CNBD1: variants seen among roughly 807,000 people sequenced by gnomAD.
CNBD1 encodes cyclic nucleotide binding domain containing 1.
A neutral mutation model predicts 54.4 loss-of-function variants in CNBD1; 71 were observed. The observed-to-expected ratio is 1.30, with a 90% confidence interval of 1.08 to 1.59. The LOEUF (loss-of-function observed/expected upper bound fraction) is 1.59, where lower values mean the gene tolerates loss of function less well. CNBD1 is among the 40% of genes most tolerant of loss of function. The pLI is 0.00. For synonymous variants in CNBD1, 182 were observed against 170.7 expected (o/e 1.07, Z -0.51); for missense variants, 659 against 518.0 (o/e 1.27, Z -2.64).
intron 8 of CNBD1, among the ~76,000 whole-genome samples, chr8:87,304,029 A>T (rs1809082426): frequency 6.6e-6 from 1 of 152,156 alleles, no homozygotes; most frequent in South Asian, 2.1e-4. Context: ...ACACTTTTAC[A>T]CATTGGTGGG....
At chr8:87,425,674 G>A (rs533070637) in intron 2 of CNBD1, among the ~76,000 whole-genome samples, 13 of 152,038 alleles carry the variant, frequency 8.6e-5, no homozygotes, top group East Asian at 5.8e-4. Flanking sequence ...CAGTCTGCCC[G>A]TTCTCAGATC....
At chr8:87,294,734 C>T (rs1808847659) in intron 8 of CNBD1, among the ~76,000 whole-genome samples, 1 of 152,178 alleles carries the variant, frequency 6.6e-6, no homozygotes, top group African/African-American at 2.4e-5. Flanking sequence ...AGCACTTTGA[C>T]TACTGCCATC....
At chr8:87,379,809 G>A (rs1291194631) in intron 10 of CNBD1, among the ~76,000 whole-genome samples, 1 of 151,728 alleles carries the variant, frequency 6.6e-6, no homozygotes, top group Admixed American at 6.6e-5. Flanking sequence ...ATGAAATAAG[G>A]AAGTTGAAGT....
intron 4 of CNBD1, among the ~76,000 whole-genome samples, chr8:87,095,949 C>T (rs768881142): frequency 2.6e-5 from 4 of 152,212 alleles, no homozygotes; most frequent in African/African-American, 7.2e-5. Flanking sequence ...TGAGCCACAA[C>T]GCCCGGCCCT....
Position 87,379,827 on chromosome 8 carries a change from T to C in CNBD1, c.1304-2793T>C, listed in dbSNP as rs548518778. 4.1e-4 allele frequency among the ~76,000 whole-genome samples: 62 copies of C among 152,034 alleles called. 2 individuals carry two copies. The South Asian group carries it at 9.7e-3, about 24-fold the overall frequency. On this transcript the variant is annotated intron_variant, in intron 10 of 10. Coordinates refer to ENST00000518476, the MANE Select transcript of CNBD1 (RefSeq NM_173538.3). ...AAATAAGGAAGTTGAAGTAGAATTA[T>C]AAAAACACAGGTATAATACATTATC...
At position 87,351,778 on chromosome 8, in the gene CNBD1, T is replaced by G. The variant is rs2130928141; in HGVS notation, c.1136T>G (p.Leu379Arg). ...IYRSIIGFVK[L>R]RSNKVKRSQK... ...AGAAGTATTATAGGATTTGTGAAAC[T>G]ACGATCAAATAAAGTGGTAAGTTTT... The change falls in exon 9 of 11, where the codon CTA (leucine) becomes CGA (arginine). Residue 379 changes from leucine (L) to arginine (R), a missense_variant. Leu to Arg is a moderately radical substitution (Grantham distance 102, BLOSUM62 -2). Coordinates refer to ENST00000518476, the MANE Select transcript of CNBD1 (RefSeq NM_173538.3). 4 of 1,503,366 alleles carry G rather than the reference T, an allele frequency of 2.7e-6. No individual in the cohort carries two copies. Among genetic ancestry groups the G allele is most frequent in the Non-Finnish European group, 3.5e-6 (4 of 1,131,420 alleles). The allele number at this position is 1,503,366 out of a possible 1,614,324, so 93.1% of individuals were successfully genotyped here. A position where few individuals can be genotyped will look rare whatever the true frequency, so the allele number is the denominator to read the frequency against.
At chr8:86,937,896 G>A (rs982000585) in intron 3 of CNBD1, among the ~76,000 whole-genome samples, 2 of 152,148 alleles carry the variant, frequency 1.3e-5, no homozygotes, top group African/African-American at 2.4e-5. Context: ...TCAGAAAATA[G>A]GTTTTTCTTT....
At chr8:86,963,621 C>T (rs1443263382) in intron 4 of CNBD1, among the ~76,000 whole-genome samples, 1 of 152,174 alleles carries the variant, frequency 6.6e-6, no homozygotes, top group Non-Finnish European at 1.5e-5. Flanking sequence ...GTCCCAGTAA[C>T]TGGGGACCTG....
chr8:87,397,686 T>C (rs1430901801), intron 2 of CNBD1, among the ~76,000 whole-genome samples: 2 of 151,992 alleles, frequency 1.3e-5, no homozygotes, highest in Non-Finnish European at 2.9e-5. Flanking sequence ...TTAATTTTGC[T>C]GTTATCACAA....
chr8:87,375,762 G>A (rs1167674304), intron 10 of CNBD1, among the ~76,000 whole-genome samples: 1 of 151,848 alleles, frequency 6.6e-6, no homozygotes, highest in Non-Finnish European at 1.5e-5. Context: ...TACCTTATAT[G>A]AGAAGTTAAA....
At chr8:87,309,813 A>T (rs1809227222) in intron 8 of CNBD1, among the ~76,000 whole-genome samples, 1 of 152,064 alleles carries the variant, frequency 6.6e-6, no homozygotes, top group African/African-American at 2.4e-5. Context: ...TAAAAGTACC[A>T]TATTGAAAGT....
At chr8:87,167,678 C>T (rs1812993866) in intron 4 of CNBD1, among the ~76,000 whole-genome samples, 1 of 151,780 alleles carries the variant, frequency 6.6e-6, no homozygotes, top group South Asian at 2.1e-4. Flanking sequence ...CTGGATAATG[C>T]AGGGCTTTAT....
At chr8:86,970,760 A>G (rs563635824) in intron 4 of CNBD1, among the ~76,000 whole-genome samples, 3 of 152,312 alleles carry the variant, frequency 2.0e-5, no homozygotes, top group Admixed American at 6.5e-5. Flanking sequence ...CTCCAGCTGC[A>G]TCCATGTTGT....
chr8:87,026,385 C>A (rs1045747043), intron 4 of CNBD1, among the ~76,000 whole-genome samples: 1 of 151,490 alleles, frequency 6.6e-6, no homozygotes, highest in African/African-American at 2.4e-5. Flanking sequence ...CCCTTCTTCC[C>A]TTTCTTTCCT....
downstream of CNBD1, among the ~76,000 whole-genome samples, chr8:87,386,458 G>T (rs1047958763): frequency 1.3e-5 from 2 of 152,210 alleles, no homozygotes; most frequent in African/African-American, 2.4e-5. Context: ...CGAGAACTAT[G>T]TGACGAATAC....
intron 4 of CNBD1, among the ~76,000 whole-genome samples, chr8:87,145,237 G>A (rs1415685485): frequency 6.6e-6 from 1 of 152,098 alleles, no homozygotes; most frequent in Non-Finnish European, 1.5e-5. Flanking sequence ...CAAATAGATT[G>A]GGAGTGGATA....
chr8:87,178,289 A>T (rs758526573), intron 4 of CNBD1, among the ~76,000 whole-genome samples: 2 of 152,344 alleles, frequency 1.3e-5, no homozygotes, highest in South Asian at 4.1e-4. Flanking sequence ...GTAGAGGTGG[A>T]TAATTCAGTT....
chr8:87,079,809 G>C lies in CNBD1; in HGVS notation c.432-126184G>C, dbSNP rs1033604540. Among the ~76,000 whole-genome samples the C allele has an allele frequency of 2.5e-4, 38 of 151,900 alleles. 1 individual carries two copies. On this transcript the variant is annotated intron_variant, in intron 4 of 10. Coordinates refer to ENST00000518476, the MANE Select transcript of CNBD1 (RefSeq NM_173538.3). Reference sequence around the variant, plus strand: ...TTTAAAAAAGATCTTTTAAATAGCGGGATACTTTTATTGTAATAAAGTTTA... The same window carrying C: ...TTTAAAAAAGATCTTTTAAATAGCGCGATACTTTTATTGTAATAAAGTTTA...
chr8:87,390,057 G>A (rs1311042728), intron 2 of CNBD1, among the ~76,000 whole-genome samples: 1 of 150,938 alleles, frequency 6.6e-6, no homozygotes, highest in African/African-American at 2.4e-5. Context: ...GTAGAAAGCT[G>A]AAACTGGATC....
Sources: allele counts gnomAD v4.1 joint callset (sites outside exome capture counted in the v4.1 genomes callset), GRCh38; gene constraint gnomAD v4.1.1; transcripts MANE v1.5; gene names NCBI Gene and HGNC (gene_info 2026-07-23, HGNC 2026-07-21).